The following AGK variants were observed in gnomAD, a reference collection of about 807,000 sequenced individuals.
AGK encodes the protein acylglycerol kinase, also known as acylglycerol kinase, mitochondrial.
A neutral mutation model predicts 66.4 loss-of-function variants in AGK; 52 were observed. That is an observed-to-expected ratio of 0.78 (90% CI 0.63 to 0.99). The LOEUF is 0.99. Among genes scored for constraint, AGK ranks in the 50% least tolerant of loss-of-function variants. AGK has a pLI of 0.00. For synonymous variants in AGK, 182 were observed against 181.1 expected, an observed-to-expected ratio of 1.00 and a Z score of -0.04; for missense variants, 451 against 506.6, an observed-to-expected ratio of 0.89 and a Z score of 1.05.
chr7:141,637,049 G>T, intron 11 of AGK, 32 bp downstream of exon 11: 1 of 1,581,508 alleles, frequency 6.3e-7, no homozygotes, highest in African/African-American at 1.4e-5. Flanking sequence ...GAAATTTGCT[G>T]TGTTATTTTG....
chr7:141,580,645 T>C (rs988308959), intron 2 of AGK, among the ~76,000 whole-genome samples: 1 of 151,890 alleles, frequency 6.6e-6, no homozygotes, highest in African/African-American at 2.4e-5. Context: ...GAGAGTGAGT[T>C]GAGCATAGTT....
chr7:141,576,268 T>G (rs982328175), intron 2 of AGK, among the ~76,000 whole-genome samples: 3 of 152,088 alleles, frequency 2.0e-5, no homozygotes, highest in Non-Finnish European at 4.4e-5. Context: ...GATTCATGGA[T>G]GGAGCAATGG....
chr7:141,626,876 A>T (rs1305725564), intron 9 of AGK, among the ~76,000 whole-genome samples: 4 of 152,202 alleles, frequency 2.6e-5, no homozygotes, highest in South Asian at 4.1e-4. Flanking sequence ...AATATTATGT[A>T]TTGATGTTAG....
rs181942487 is a variant in AGK, at chr7:141,582,289, C to T, written c.102-10857C>T. Among the ~76,000 whole-genome samples the T allele has an allele frequency of 9.9e-5, 15 of 152,008 alleles. No homozygotes were observed. In the South Asian group the frequency reaches 1.0e-3, roughly 10 times the overall value. On this transcript the variant is annotated intron_variant, in intron 2 of 15. Coordinates refer to ENST00000649286, the MANE Select transcript of AGK (RefSeq NM_018238.4). Reference sequence around the variant, plus strand: ...AGGTGGTCCTGGAGGAATGCCTGGCCGCTGCGGTTTAGGTGTTTGGAAGTT... The same window carrying T: ...AGGTGGTCCTGGAGGAATGCCTGGCTGCTGCGGTTTAGGTGTTTGGAAGTT...
At chr7:141,572,198 A>G (rs1795620573) in intron 2 of AGK, among the ~76,000 whole-genome samples, 1 of 152,252 alleles carries the variant, frequency 6.6e-6, no homozygotes, top group African/African-American at 2.4e-5. Context: ...TGAACAAAGT[A>G]GCATTCAAGA....
chr7:141,648,080 G>T (rs548173166), intron 13 of AGK, among the ~76,000 whole-genome samples: 2 of 152,142 alleles, frequency 1.3e-5, no homozygotes, highest in Admixed American at 1.3e-4. Flanking sequence ...TGGCCACATC[G>T]CCGGCTCCCT....
intron 2 of AGK, among the ~76,000 whole-genome samples, chr7:141,572,062 A>G (rs1436633876): frequency 6.6e-6 from 1 of 152,234 alleles, no homozygotes; most frequent in Non-Finnish European, 1.5e-5. Context: ...GCAAAGAATT[A>G]GACTTGACTG....
intron 2 of AGK, among the ~76,000 whole-genome samples, chr7:141,591,485 GGTT>G (rs1796118433): frequency 6.6e-6 from 1 of 152,078 alleles, no homozygotes; most frequent in Non-Finnish European, 1.5e-5. Context: ...GAACTTCAGG[GGTT>G]GTTTTGCAGC....
chr7:141,615,712 C>A, intron 8 of AGK, 147 bp downstream of exon 8: 1 of 672,112 alleles, frequency 1.5e-6, no homozygotes, highest in Non-Finnish European at 2.6e-6. Context: ...TTCAGCCTTT[C>A]AGTTCATTGG....
Position 141,633,955 on chromosome 7 carries a change from A to G in AGK, c.643A>G (p.Arg215Gly). 6.2e-7 allele frequency: 1 copy of G among 1,614,032 alleles called. No individual in the cohort carries two copies. The highest frequency in any genetic ancestry group is 8.5e-7 in the Non-Finnish European group (1 of 1,179,894). ...GACCGGCCTTCGATGGGGATCTTTC[A>G]GAGATGCTGGCGTCAAAGTTAGCAA... ...AMTGLRWGSF[R>G]DAGVKVSKYW... Residue 215 changes from arginine to glycine, a missense_variant, in exon 10 of 16, where the codon AGA becomes GGA. Physicochemically the swap from Arg to Gly is moderately radical, Grantham distance 125. Coordinates refer to ENST00000649286, the MANE Select transcript of AGK (RefSeq NM_018238.4).
At chr7:141,557,605 GA>G (rs1301086443) in intron 2 of AGK, among the ~76,000 whole-genome samples, 1 of 152,142 alleles carries the variant, frequency 6.6e-6, no homozygotes, top group African/African-American at 2.4e-5. Flanking sequence ...ATGTAGCCTT[GA>G]GACCTTAAAA....
In AGK at chr7:141,650,909, T is replaced by C. The variant is rs377342791; in HGVS notation, c.1047-616T>C. On this transcript the variant is annotated intron_variant, in intron 14 of 15. Transcript: ENST00000649286. ...ATCATCTCTAGATTACTTATAATACTCAATATAATGTAAATGCTATGTGGA... is the reference window on the plus strand; with the variant it reads ...ATCATCTCTAGATTACTTATAATACCCAATATAATGTAAATGCTATGTGGA... 1.5e-4 allele frequency among the ~76,000 whole-genome samples: 23 copies of C among 152,290 alleles called. 1 individual carries two copies. Among genetic ancestry groups the C allele is most frequent in the East Asian group, 7.7e-4 (4 of 5,174 alleles).
chr7:141,582,867 T>C (rs1167169187), intron 2 of AGK, among the ~76,000 whole-genome samples: 3 of 149,680 alleles, frequency 2.0e-5, no homozygotes, highest in Non-Finnish European at 1.5e-5. Flanking sequence ...TGGCTCAGCC[T>C]GGTGAGGAGC....
chr7:141,564,806 C>T (rs553004019), intron 2 of AGK, among the ~76,000 whole-genome samples: 6 of 151,944 alleles, frequency 3.9e-5, no homozygotes, highest in Non-Finnish European at 8.8e-5. Context: ...CTCCACTCAC[C>T]ACAACCTCTG....
chr7:141,641,534 G>T, intron 12 of AGK, 136 bp downstream of exon 12: 5 of 1,048,862 alleles, frequency 4.8e-6, no homozygotes. Flanking sequence ...TCATCCTTCT[G>T]TGTGCCACCA....
intron 5 of AGK, among the ~76,000 whole-genome samples, chr7:141,609,838 T>C (rs770382848): frequency 5.3e-5 from 8 of 152,210 alleles, no homozygotes; most frequent in Non-Finnish European, 8.8e-5. Context: ...TGAGAGGGCC[T>C]TGCCATGAAT....
chr7:141,556,553 A>C (rs562274891), intron 2 of AGK, among the ~76,000 whole-genome samples: 1 of 151,894 alleles, frequency 6.6e-6, no homozygotes, highest in Non-Finnish European at 1.5e-5. Context: ...AAAAAAAAAA[A>C]AAAATAAAGA....
Position 141,598,678 on chromosome 7 carries a change from A to G in AGK, c.221+2037A>G, listed in dbSNP as rs1026609988. On this transcript the variant is annotated intron_variant, in intron 4 of 15. Coordinates refer to ENST00000649286, the MANE Select transcript of AGK (RefSeq NM_018238.4). This position sits in a 1 kb window ranked among gnomAD's most constrained non-coding sequence, Gnocchi z 4.2. ...ACTGCTGAAATTGTTACTCTTGACT[A>G]TGGGTTAGGTTCAGAACAGTCTTCA... Among the ~76,000 whole-genome samples, 4 of 152,184 alleles carry G rather than the reference A, an allele frequency of 2.6e-5. No homozygotes were observed. The highest frequency in any genetic ancestry group is 5.9e-5 in the Non-Finnish European group (4 of 68,014).
At chr7:141,624,583 G>A (rs1257482589) in intron 9 of AGK, among the ~76,000 whole-genome samples, 1 of 152,164 alleles carries the variant, frequency 6.6e-6, no homozygotes, top group Non-Finnish European at 1.5e-5. Flanking sequence ...AGGAACTGCA[G>A]ATGTAGTAGA....
Sources: allele counts gnomAD v4.1 joint callset (sites outside exome capture counted in the v4.1 genomes callset), GRCh38; gene constraint gnomAD v4.1.1; non-coding constraint Gnocchi (gnomAD v3.1); transcripts MANE v1.5; gene names NCBI Gene and HGNC (gene_info 2026-07-23, HGNC 2026-07-21).